The following CAMK1D variants were observed in gnomAD, a reference collection of about 807,000 sequenced individuals.
CAMK1D encodes the protein calcium/calmodulin-dependent protein kinase type 1D.
Under a neutral mutation model 47.7 loss-of-function variants are expected in CAMK1D, and 9 were observed. That is an observed-to-expected ratio of 0.19 (90% CI 0.11 to 0.33). The LOEUF (loss-of-function observed/expected upper bound fraction) is 0.33, where lower values mean the gene tolerates loss of function less well. Ranked by LOEUF, CAMK1D falls within the 10% of genes least tolerant of loss-of-function variation. The pLI is 1.00. For synonymous variants in CAMK1D, 184 were observed against 184.9 expected (o/e 0.99, Z 0.04); for missense variants, 291 against 488.7 (o/e 0.60, Z 3.81).
intron 1 of CAMK1D, among the ~76,000 whole-genome samples, chr10:12,413,418 T>G (rs1164522577): frequency 2.7e-5 from 4 of 148,260 alleles, no homozygotes; most frequent in African/African-American, 7.6e-5. Flanking sequence ...GGGACAAATA[T>G]CCAAACTTTA....
chr10:12,694,076 ATAT>A lies in CAMK1D; in HGVS notation c.299+27270_299+27272del, dbSNP rs1167031107. Among the ~76,000 whole-genome samples the A allele has an allele frequency of 8.6e-4, 47 of 54,752 alleles. 1 individual carries two copies. Among genetic ancestry groups the A allele is most frequent in the African/African-American group, 1.4e-3 (19 of 13,112 alleles). The allele number at this position is 54,752 out of a possible 152,430, so 35.9% of individuals were successfully genotyped here. A position where few individuals can be genotyped will look rare whatever the true frequency, so the allele number is the denominator to read the frequency against. Reference sequence around the variant, plus strand: ...ATATTATATATATAATATATAAAAAATATTATGTATAATATATATTATATAATA... The same window carrying A: ...ATATTATATATATAATATATAAAAAATATGTATAATATATATTATATAATA... On this transcript the variant is annotated intron_variant, in intron 3 of 10. Coordinates refer to ENST00000619168, the MANE Select transcript of CAMK1D (RefSeq NM_153498.4).
At chr10:12,493,341 C>T (rs987343304) in intron 1 of CAMK1D, among the ~76,000 whole-genome samples, 12 of 152,144 alleles carry the variant, frequency 7.9e-5, no homozygotes, top group African/African-American at 2.9e-4. Flanking sequence ...AACAGCCTTC[C>T]ACCTTTCAGC....
intron 1 of CAMK1D, among the ~76,000 whole-genome samples, chr10:12,458,459 C>CA (rs34138546): frequency 0.33 from 49,803 of 152,028 alleles, 8,605 homozygotes; most frequent in East Asian, 0.52. Context: ...CACTGTCACC[C>CA]AGGCTGGAGT....
chr10:12,461,232 G>A (rs1833412528), intron 1 of CAMK1D, among the ~76,000 whole-genome samples: 2 of 152,232 alleles, frequency 1.3e-5, no homozygotes, highest in Admixed American at 1.3e-4. Flanking sequence ...TGGCCACTCT[G>A]AGGATACATG....
In CAMK1D at chr10:12,561,090, A is replaced by G. The variant is rs553221434; in HGVS notation, c.224+7734A>G. 7.9e-5 allele frequency among the ~76,000 whole-genome samples: 12 copies of G among 151,386 alleles called. No individual in the cohort carries two copies. In the East Asian group the frequency reaches 2.3e-3, roughly 30 times the overall value. On this transcript the variant is annotated intron_variant, in intron 2 of 10. Transcript: ENST00000619168. ...CACCATGCCTGGCTAATTGTTTTGT[A>G]TTTTTTTTAATAGAGACAGGGTTTC...
At chr10:12,399,236 G>C (rs1839083639) in intron 1 of CAMK1D, among the ~76,000 whole-genome samples, 1 of 152,198 alleles carries the variant, frequency 6.6e-6, no homozygotes, top group Non-Finnish European at 1.5e-5. Flanking sequence ...GCTGGGCGTG[G>C]TGGCTCACAC....
At chr10:12,424,094 A>G (rs1403277887) in intron 1 of CAMK1D, among the ~76,000 whole-genome samples, 3 of 151,658 alleles carry the variant, frequency 2.0e-5, no homozygotes, top group Non-Finnish European at 2.9e-5. Context: ...TGTCCCCACC[A>G]CTGCCTGGTC....
chr10:12,678,875 G>A (rs992265781), intron 3 of CAMK1D, among the ~76,000 whole-genome samples: 3 of 151,972 alleles, frequency 2.0e-5, no homozygotes, highest in African/African-American at 7.3e-5. Flanking sequence ...TGATTCTCCT[G>A]CCTCAGACTC....
At chr10:12,688,537 A>G (rs1188293637) in intron 3 of CAMK1D, among the ~76,000 whole-genome samples, 4 of 152,154 alleles carry the variant, frequency 2.6e-5, no homozygotes, top group Admixed American at 2.6e-4. Flanking sequence ...TTTGCAGAGA[A>G]AACTCCTTGT....
chr10:12,545,073 A>T (rs1204325929), intron 1 of CAMK1D, among the ~76,000 whole-genome samples: 2 of 152,232 alleles, frequency 1.3e-5, no homozygotes, highest in African/African-American at 4.8e-5. Context: ...CTGAAGACAC[A>T]GAAACAGAAT....
chr10:12,713,943 G>A (rs1415599238), intron 3 of CAMK1D, among the ~76,000 whole-genome samples: 14 of 152,246 alleles, frequency 9.2e-5, no homozygotes, highest in Admixed American at 9.2e-4. Context: ...ACTTAGAAAG[G>A]CAAACTGTAA....
intron 1 of CAMK1D, among the ~76,000 whole-genome samples, chr10:12,545,453 T>TA (rs59666684): frequency 0.027 from 1,411 of 52,228 alleles, 49 homozygotes; most frequent in African/African-American, 0.069. Context: ...CATCTCACAG[T>TA]AAAAAAAAAA....
At chr10:12,431,716 G>A (rs1016513331) in intron 1 of CAMK1D, among the ~76,000 whole-genome samples, 1 of 152,154 alleles carries the variant, frequency 6.6e-6, no homozygotes, top group Non-Finnish European at 1.5e-5. Context: ...CGCATGACCC[G>A]GTCTGACTTT....
chr10:12,456,408 T>A (rs1479106498), intron 1 of CAMK1D: 1 of 152,150 alleles, frequency 6.6e-6, no homozygotes, highest in Non-Finnish European at 1.5e-5. Context: ...AATTGTTGGA[T>A]GCAAGTTTAA....
At chr10:12,460,677 C>T (rs1261924221) in intron 1 of CAMK1D, among the ~76,000 whole-genome samples, 1 of 152,140 alleles carries the variant, frequency 6.6e-6, no homozygotes, top group Non-Finnish European at 1.5e-5. Context: ...ATCCACCCAC[C>T]TCGGCCTCCC....
intron 2 of CAMK1D, among the ~76,000 whole-genome samples, chr10:12,652,953 C>G (rs779168985): frequency 3.3e-5 from 5 of 152,174 alleles, no homozygotes; most frequent in Admixed American, 2.0e-4. Context: ...AGTTCGTTTT[C>G]TATAACTTAT....
At chr10:12,373,261 C>G (rs772161569) in intron 1 of CAMK1D, among the ~76,000 whole-genome samples, 14 of 150,428 alleles carry the variant, frequency 9.3e-5, no homozygotes, top group Non-Finnish European at 1.9e-4. Flanking sequence ...TGCAGTGAGC[C>G]GTGATCACGC....
intron 3 of CAMK1D, among the ~76,000 whole-genome samples, chr10:12,676,841 A>G (rs774829597): frequency 2.0e-5 from 3 of 152,200 alleles, no homozygotes; most frequent in Non-Finnish European, 2.9e-5. Flanking sequence ...AATATCCTAT[A>G]TTTTGTGGTG....
At chr10:12,801,342 T>TA (rs1554827626) in intron 6 of CAMK1D, among the ~76,000 whole-genome samples, 81 of 96,400 alleles carry the variant, frequency 8.4e-4, no homozygotes, top group African/African-American at 3.8e-3. Flanking sequence ...TCTATCTATC[T>TA]ATCTATCTAT....
Sources: gnomAD v4.1 joint callset for allele counts (sites outside exome capture counted in the v4.1 genomes callset) on GRCh38, gnomAD v4.1.1 for gene constraint, MANE v1.5 for transcripts, NCBI Gene and HGNC (gene_info 2026-07-23, HGNC 2026-07-21) for gene names.